TUSC3: variants seen among roughly 807,000 people sequenced by gnomAD.
TUSC3 encodes dolichyl-diphosphooligosaccharide--protein glycosyltransferase subunit TUSC3.
A neutral mutation model predicts 44.8 loss-of-function variants in TUSC3; 45 were observed. That is an observed-to-expected ratio of 1.00 (90% CI 0.79 to 1.29). The LOEUF is 1.29. Among genes scored for constraint, TUSC3 ranks in the 50% most tolerant of loss-of-function variants. The probability of loss-of-function intolerance (pLI) is 0.00; values close to 1 mark genes in which losing one functional copy is unlikely to be tolerated. For missense variants in TUSC3, 519 were observed against 437.9 expected, an observed-to-expected ratio of 1.19 and a Z score of -1.65; for synonymous variants, 212 against 152.9, an observed-to-expected ratio of 1.39 and a Z score of -2.85.
chr8:15,472,877 C>G (rs1474132890), intron 1 of TUSC3, among the ~76,000 whole-genome samples: 2 of 152,178 alleles, frequency 1.3e-5, no homozygotes, highest in Non-Finnish European at 2.9e-5. Flanking sequence ...AATATACTGA[C>G]TGATCATCTC....
intron 2 of TUSC3, among the ~76,000 whole-genome samples, chr8:15,627,170 C>T (rs1278750269): frequency 2.0e-5 from 3 of 152,164 alleles, no homozygotes; most frequent in African/African-American, 7.2e-5. Flanking sequence ...GCTGCCCACC[C>T]CAGGGTCTCC....
intron 2 of TUSC3, among the ~76,000 whole-genome samples, chr8:15,644,755 T>A (rs1252091234): frequency 6.6e-6 from 1 of 152,148 alleles, no homozygotes; most frequent in Non-Finnish European, 1.5e-5. Context: ...TACGTATTCC[T>A]CGGGCTCATT....
intron 2 of TUSC3, among the ~76,000 whole-genome samples, chr8:15,641,361 CAA>C (rs34446791): frequency 1.6e-4 from 16 of 99,458 alleles, no homozygotes; most frequent in East Asian, 1.5e-3. Flanking sequence ...GACTCCGTCT[CAA>C]AAAAAAAAAA....
At chr8:15,842,642 C>T in the TUSC3 span, among the ~76,000 whole-genome samples, 7 of 152,238 alleles carry the variant, frequency 4.6e-5, 1 homozygote, top group East Asian at 1.4e-3. Flanking sequence ...AATTACGAAC[C>T]TCAGAGCTTA....
chr8:15,537,435 G>T (rs1325856017), upstream of TUSC3, among the ~76,000 whole-genome samples: 1 of 152,118 alleles, frequency 6.6e-6, no homozygotes, highest in Non-Finnish European at 1.5e-5. Context: ...ACCACCTCGG[G>T]CACATGTTCT....
At chr8:15,453,378 C>G (rs1157057606) in intron 1 of TUSC3, among the ~76,000 whole-genome samples, 1 of 152,074 alleles carries the variant, frequency 6.6e-6, no homozygotes, top group African/African-American at 2.4e-5. Flanking sequence ...ATGGCATTGC[C>G]TGCTTACTTT....
chr8:15,523,694 GTGTGTGTGTGTGTGTA>G (rs1563273671), intron 2 of TUSC3, among the ~76,000 whole-genome samples: 3 of 44,322 alleles, frequency 6.8e-5, no homozygotes, highest in African/African-American at 2.4e-4. Context: ...GTGTGTGTGT[GTGTGTGTGTGTGTGTA>G]TATATATATA....
chr8:15,467,602 C>T (rs187425914), intron 1 of TUSC3, among the ~76,000 whole-genome samples: 20 of 152,180 alleles, frequency 1.3e-4, no homozygotes, highest in African/African-American at 3.4e-4. Flanking sequence ...TTCTCATTTG[C>T]GCCTTGGGAA....
At chr8:15,692,155 C>A (rs1188432858) in intron 6 of TUSC3, among the ~76,000 whole-genome samples, 1 of 152,158 alleles carries the variant, frequency 6.6e-6, no homozygotes, top group African/African-American at 2.4e-5. Flanking sequence ...ACCAACATTG[C>A]ATACCAGGGA....
chr8:15,755,153 G>A (rs751325756), intron 9 of TUSC3, among the ~76,000 whole-genome samples: 2 of 152,100 alleles, frequency 1.3e-5, no homozygotes, highest in Non-Finnish European at 2.9e-5. Context: ...AAACTTCCCT[G>A]ATTGGAATAC....
At chr8:15,471,132 T>TTG (rs1463593277) in intron 1 of TUSC3, among the ~76,000 whole-genome samples, 6 of 132,100 alleles carry the variant, frequency 4.5e-5, no homozygotes, top group African/African-American at 1.7e-4. Context: ...AACATTTCTT[T>TTG]GATTTAATTC....
At chr8:15,417,461 G>C (rs1401220176) in intron 1 of TUSC3, among the ~76,000 whole-genome samples, 1 of 152,210 alleles carries the variant, frequency 6.6e-6, no homozygotes, top group African/African-American at 2.4e-5. Context: ...TGGACTAAAT[G>C]AGATCAGGTG....
At chr8:15,462,697 A>G (rs1398223488) in intron 1 of TUSC3, among the ~76,000 whole-genome samples, 2 of 152,000 alleles carry the variant, frequency 1.3e-5, no homozygotes, top group Non-Finnish European at 1.5e-5. Context: ...AGTCTATTAT[A>G]CTCCTATGTG....
chr8:15,602,505 A>G (rs1293007291), intron 1 of TUSC3, among the ~76,000 whole-genome samples: 1 of 151,540 alleles, frequency 6.6e-6, no homozygotes, highest in African/African-American at 2.4e-5. Context: ...CTCTTGGTGG[A>G]AGGAGGAAGT....
intron 7 of TUSC3, among the ~76,000 whole-genome samples, chr8:15,737,120 C>G (rs1206828989): frequency 4.6e-5 from 7 of 151,930 alleles, no homozygotes; most frequent in Admixed American, 3.3e-4. Context: ...TGTTTCTAGT[C>G]TATTATAGAG....
intron 2 of TUSC3, among the ~76,000 whole-genome samples, chr8:15,625,187 T>G (rs1805443041): frequency 6.6e-6 from 1 of 152,200 alleles, no homozygotes. Flanking sequence ...CATACAGGAA[T>G]GGATACTATT....
chr8:15,750,482 T>A (rs1317634382), intron 9 of TUSC3, among the ~76,000 whole-genome samples: 1 of 152,156 alleles, frequency 6.6e-6, no homozygotes, highest in Non-Finnish European at 1.5e-5. Flanking sequence ...GACAGCCCTA[T>A]TTTTGTTACG....
the TUSC3 span, among the ~76,000 whole-genome samples, chr8:15,820,762 T>C: frequency 7.0e-3 from 1,063 of 152,326 alleles, 19 homozygotes; most frequent in African/African-American, 0.025. Flanking sequence ...TCTTTGATTA[T>C]TGAAACTAGC....
chr8:15,806,014 C>T, the TUSC3 span: 1 of 208,530 alleles, frequency 4.8e-6, no homozygotes, highest in African/African-American at 2.3e-5. Context: ...TGCTGAAGTT[C>T]TCTGGTGTGA....
Sources: gnomAD v4.1 joint callset for allele counts (sites outside exome capture counted in the v4.1 genomes callset) on GRCh38, gnomAD v4.1.1 for gene constraint, MANE v1.5 for transcripts, NCBI Gene and HGNC (gene_info 2026-07-23, HGNC 2026-07-21) for gene names.